Variants in ACER1 observed in about 807,000 individuals in gnomAD.
ACER1 encodes the protein alkaline ceramidase 1.
In ACER1, 28 loss-of-function variants were observed where a neutral mutation model predicts 24.9. The ratio of observed to expected loss-of-function variants is 1.13; its 90% CI spans 0.83 to 1.54. The LOEUF (loss-of-function observed/expected upper bound fraction) is 1.54. Ranked by LOEUF, ACER1 falls within the 40% of genes most tolerant of loss-of-function variation. ACER1 has a pLI of 0.00. For synonymous variants in ACER1, 132 were observed against 131.4 expected (o/e 1.00, Z -0.03); for missense variants, 352 against 349.3 (o/e 1.01, Z -0.06).
At chr19:6,342,208 T>C in the ACER1 span, among the ~76,000 whole-genome samples, 412 of 152,160 alleles carry the variant, frequency 2.7e-3, 6 homozygotes, top group African/African-American at 9.6e-3. Context: ...CCATATTTAT[T>C]TTCTGAAGTA....
At chr19:6,347,623 G>A in the ACER1 span, among the ~76,000 whole-genome samples, 5 of 151,816 alleles carry the variant, frequency 3.3e-5, no homozygotes, top group East Asian at 3.9e-4. Context: ...ATTACCTGGC[G>A]TCAGGAGTTC....
chr19:6,333,358 G>A, intron 1 of ACER1, 101 bp downstream of exon 1: 1 of 967,692 alleles, frequency 1.0e-6, no homozygotes, highest in Non-Finnish European at 1.5e-6. Context: ...GGCTGAGACA[G>A]GTGAACCACT....
chr19:6,336,867 T>A (rs1238524152), upstream of ACER1, among the ~76,000 whole-genome samples: 1 of 149,464 alleles, frequency 6.7e-6, no homozygotes, highest in African/African-American at 2.5e-5. Context: ...TGGTGCTATG[T>A]TGCCCTGCAT....
chr19:6,330,446 G>T (rs2091681682), intron 1 of ACER1, among the ~76,000 whole-genome samples: 2 of 150,354 alleles, frequency 1.3e-5, no homozygotes, highest in Non-Finnish European at 2.9e-5. Context: ...GGGATTACAG[G>T]CATAAGCCAG....
At chr19:6,357,617 C>T in the ACER1 span, among the ~76,000 whole-genome samples, 231 of 151,842 alleles carry the variant, frequency 1.5e-3, 1 homozygote, top group African/African-American at 5.4e-3. Flanking sequence ...ACTAAAAATA[C>T]AAAACTTATC....
At chr19:6,335,210 T>C (rs1276205663), upstream of ACER1, among the ~76,000 whole-genome samples, 1 of 145,414 alleles carries the variant, frequency 6.9e-6, no homozygotes, top group African/African-American at 2.5e-5. Flanking sequence ...TTCAGTATTA[T>C]CTCATTTAAC....
chr19:6,342,015 T>C, the ACER1 span, among the ~76,000 whole-genome samples: 2 of 152,200 alleles, frequency 1.3e-5, no homozygotes, highest in South Asian at 4.1e-4. Context: ...AGTAAAGATA[T>C]GCATTAATAT....
chr19:6,349,918 C>A, the ACER1 span, among the ~76,000 whole-genome samples: 3 of 152,058 alleles, frequency 2.0e-5, no homozygotes, highest in African/African-American at 7.2e-5. Context: ...ATCACTTGAC[C>A]CCAGGAGTTC....
chr19:6,328,042 C>T (rs2091669667), intron 1 of ACER1, among the ~76,000 whole-genome samples: 1 of 150,746 alleles, frequency 6.6e-6, no homozygotes, highest in Non-Finnish European at 1.5e-5. Flanking sequence ...CACCACTGCA[C>T]TCCAGCCTGG....
At chr19:6,358,369 T>C in the ACER1 span, among the ~76,000 whole-genome samples, 1 of 152,144 alleles carries the variant, frequency 6.6e-6, no homozygotes, top group African/African-American at 2.4e-5. Flanking sequence ...CCTCCCTCTG[T>C]CTTACTCCTG....
upstream of ACER1, among the ~76,000 whole-genome samples, chr19:6,335,906 C>CTTTTTTT (rs750891225): frequency 2.8e-5 from 4 of 141,582 alleles, no homozygotes; most frequent in African/African-American, 5.2e-5. Flanking sequence ...TTTTTCTTTT[C>CTTTTTTT]TTTTTTTTTT....
upstream of ACER1, among the ~76,000 whole-genome samples, chr19:6,338,040 C>T (rs35555561): frequency 0.027 from 4,092 of 151,320 alleles, 194 homozygotes; most frequent in African/African-American, 0.094. Flanking sequence ...CTAATTCCAC[C>T]GCTGCACTCT....
upstream of ACER1, chr19:6,333,648 G>C (rs143379304): frequency 5.8e-6 from 6 of 1,032,184 alleles, no homozygotes; most frequent in African/African-American, 6.5e-5. Context: ...GGACAGCCCG[G>C]TGCCCCGCGG....
intron 1 of ACER1, among the ~76,000 whole-genome samples, chr19:6,323,484 T>G (rs185221496): frequency 6.6e-6 from 1 of 152,190 alleles, no homozygotes; most frequent in Admixed American, 6.5e-5. Flanking sequence ...TCTCTTTGCC[T>G]GCTGCCATCC....
chr19:6,353,098 T>C, the ACER1 span, among the ~76,000 whole-genome samples: 9,106 of 152,114 alleles, frequency 0.06, 400 homozygotes, highest in African/African-American at 0.12. Context: ...CCGAGGCAGG[T>C]GTGAGGATCA....
chr19:6,324,681 C>A (rs1296653630), intron 1 of ACER1, among the ~76,000 whole-genome samples: 1 of 151,620 alleles, frequency 6.6e-6, no homozygotes, highest in South Asian at 2.1e-4. Context: ...AGGAGAATTT[C>A]TTGAACCCGG....
At chr19:6,339,823 C>T in the ACER1 span, among the ~76,000 whole-genome samples, 14 of 151,934 alleles carry the variant, frequency 9.2e-5, no homozygotes, top group Non-Finnish European at 2.1e-4. Flanking sequence ...CCACCACACC[C>T]GGCTAAGTTT....
intron 1 of ACER1, among the ~76,000 whole-genome samples, chr19:6,326,768 G>A (rs574869098): frequency 2.6e-5 from 4 of 152,018 alleles, no homozygotes; most frequent in Admixed American, 6.6e-5. Flanking sequence ...ATCCAGCAGC[G>A]GTGGGTTTAT....
chr19:6,315,529 G>A (rs760355986), intron 1 of ACER1, among the ~76,000 whole-genome samples: 1 of 152,026 alleles, frequency 6.6e-6, no homozygotes, highest in Non-Finnish European at 1.5e-5. Context: ...ACAGGTGCAC[G>A]CCGCCACACC....
Sources: gnomAD v4.1 joint callset for allele counts (sites outside exome capture counted in the v4.1 genomes callset) on GRCh38, gnomAD v4.1.1 for gene constraint, MANE v1.5 for transcripts, NCBI Gene and HGNC (gene_info 2026-07-23, HGNC 2026-07-21) for gene names.